GRM7: variants seen among roughly 807,000 people sequenced by gnomAD.
GRM7 encodes the protein metabotropic glutamate receptor 7.
GRM7 carries 35 observed loss-of-function variants against 84.5 expected under a neutral mutation model. The ratio of observed to expected loss-of-function variants is 0.41; its 90% CI spans 0.32 to 0.55. The LOEUF is 0.55. Among genes scored for constraint, GRM7 ranks in the 20% least tolerant of loss-of-function variants. GRM7 has a pLI of 0.19. For synonymous variants in GRM7, 487 were observed against 455.1 expected, an observed-to-expected ratio of 1.07 and a Z score of -0.89; for missense variants, 1,003 against 1,194.6, an observed-to-expected ratio of 0.84 and a Z score of 2.36.
intron 4 of GRM7, among the ~76,000 whole-genome samples, chr3:7,382,332 T>A (rs1405292917): frequency 6.6e-6 from 1 of 152,208 alleles, no homozygotes; most frequent in African/African-American, 2.4e-5. Context: ...TTTTGTATCT[T>A]CATTTCTATT....
At chr3:7,195,423 A>C (rs1695846071) in intron 2 of GRM7, among the ~76,000 whole-genome samples, 1 of 152,136 alleles carries the variant, frequency 6.6e-6, no homozygotes, top group South Asian at 2.1e-4. Context: ...CAGAAAAGGG[A>C]AAGGAAAAGA....
At chr3:7,189,687 T>A (rs913017889) in intron 2 of GRM7, among the ~76,000 whole-genome samples, 2 of 152,130 alleles carry the variant, frequency 1.3e-5, no homozygotes, top group African/African-American at 4.8e-5. Context: ...GAGGAGCTGG[T>A]TTGCAGGATA....
At chr3:7,291,056 C>A (rs1050387339) in intron 2 of GRM7, among the ~76,000 whole-genome samples, 1 of 152,058 alleles carries the variant, frequency 6.6e-6, no homozygotes, top group Non-Finnish European at 1.5e-5. Context: ...CAAATCCATG[C>A]AGGTGCCAGC....
chr3:7,365,024 G>A (rs1193166463), intron 4 of GRM7, among the ~76,000 whole-genome samples: 1 of 151,816 alleles, frequency 6.6e-6, no homozygotes, highest in Admixed American at 6.6e-5. Context: ...ATTCTTGATT[G>A]ACAGTTAAGT....
chr3:6,861,892 C>T lies in GRM7; in HGVS notation c.504C>T (p.Ile168=), dbSNP rs746479889. 2 of 1,609,988 alleles carry T rather than the reference C, an allele frequency of 1.2e-6. No individual in the cohort carries two copies. Among genetic ancestry groups the T allele is most frequent in the Non-Finnish European group, 1.7e-6 (2 of 1,177,056 alleles). Residue 168 remains isoleucine (I), a synonymous_variant, in exon 1 of 10, where the codon ATC becomes ATT. Coordinates refer to ENST00000357716, the MANE Select transcript of GRM7 (RefSeq NM_000844.4). The surrounding 1 kb of genome is among the most constrained non-coding windows in gnomAD (Gnocchi z 6.4). ...GSSVSIMVAN[I]LRLFQIPQIS... The stretch of plus-strand genomic sequence containing the variant: ...CGGTCTCCATCATGGTAGCCAACAT[C>T]CTGAGGCTCTTCCAGGTAGGGATGC...
chr3:7,456,895 A>G (rs1698040947), intron 6 of GRM7, among the ~76,000 whole-genome samples: 1 of 152,106 alleles, frequency 6.6e-6, no homozygotes, highest in Admixed American at 6.6e-5. Context: ...ATGTCACTTT[A>G]CGGGAGCAAA....
At chr3:7,240,113 A>G (rs1024012350) in intron 2 of GRM7, among the ~76,000 whole-genome samples, 2 of 64,050 alleles carry the variant, frequency 3.1e-5, no homozygotes, top group Admixed American at 2.0e-4. Flanking sequence ...ATCTTTTAGC[A>G]TGTGAGGTTT....
chr3:7,330,464 G>A (rs1701160266), intron 4 of GRM7, among the ~76,000 whole-genome samples: 1 of 152,154 alleles, frequency 6.6e-6, no homozygotes, highest in East Asian at 1.9e-4. Context: ...ATGTGGTTCG[G>A]CTCTGTTCCC....
At chr3:7,349,464 C>T (rs928871503) in intron 4 of GRM7, among the ~76,000 whole-genome samples, 1 of 152,098 alleles carries the variant, frequency 6.6e-6, no homozygotes, top group Admixed American at 6.6e-5. Context: ...ATGTATTTTT[C>T]CCTGAAATTC....
intron 7 of GRM7, among the ~76,000 whole-genome samples, chr3:7,468,636 T>A (rs1698560024): frequency 6.6e-6 from 1 of 152,190 alleles, no homozygotes; most frequent in South Asian, 2.1e-4. Flanking sequence ...AATCTCATCT[T>A]AAATTATAAT....
chr3:7,082,780 G>A (rs1698314960), intron 1 of GRM7, among the ~76,000 whole-genome samples: 1 of 152,110 alleles, frequency 6.6e-6, no homozygotes, highest in South Asian at 2.1e-4. Flanking sequence ...CCTCATGGAT[G>A]ACTTTGAGGG....
chr3:7,102,822 A>G (rs891910234), intron 1 of GRM7, among the ~76,000 whole-genome samples: 3 of 151,648 alleles, frequency 2.0e-5, no homozygotes, highest in African/African-American at 7.3e-5. Context: ...GGCTATCTAC[A>G]ATGTTCTGTT....
At chr3:7,439,577 A>C (rs975943585) in intron 5 of GRM7, among the ~76,000 whole-genome samples, 1 of 152,192 alleles carries the variant, frequency 6.6e-6, no homozygotes, top group Admixed American at 6.5e-5. Context: ...GACCCTTCAC[A>C]GTTTGTGACA....
At chr3:7,046,658 A>T (rs1250337729) in intron 1 of GRM7, among the ~76,000 whole-genome samples, 1 of 152,064 alleles carries the variant, frequency 6.6e-6, no homozygotes, top group African/African-American at 2.4e-5. Context: ...CCTCTCTGAG[A>T]GGTTTACTCT....
Position 7,493,993 on chromosome 3 carries a change from A to G in GRM7, c.1515+32271A>G, listed in dbSNP as rs1307877833. 4.6e-5 allele frequency among the ~76,000 whole-genome samples: 7 copies of G among 152,182 alleles called. No homozygotes were observed. The East Asian group carries it at 1.4e-3, about 29-fold the overall frequency. ...TAAATATCATTATCTTGGGTGTCAG[A>G]TGGTGTTACCATTTTGTCTCAGTCA... On this transcript the variant is annotated intron_variant, in intron 7 of 9. Transcript: ENST00000357716.
intron 1 of GRM7, among the ~76,000 whole-genome samples, chr3:7,089,797 C>T (rs1698597691): frequency 6.6e-6 from 1 of 152,016 alleles, no homozygotes; most frequent in African/African-American, 2.4e-5. Context: ...GTGAGATAGC[C>T]CTGACTAGAG....
At chr3:7,298,485 G>GTAA (rs933614031) in intron 2 of GRM7, 199 bp from the exon 3 acceptor site, 4 of 545,560 alleles carry the variant, frequency 7.3e-6, no homozygotes, top group African/African-American at 1.9e-5. Flanking sequence ...AGGATGTCGT[G>GTAA]TAATACCATG....
chr3:7,598,338 G>T lies in GRM7; in HGVS notation c.2451+18981G>T, dbSNP rs186782071. 1.8e-4 allele frequency among the ~76,000 whole-genome samples: 27 copies of T among 152,254 alleles called. 1 individual carries two copies. In the Middle Eastern group the frequency reaches 0.01, roughly 58 times the overall value. On this transcript the variant is annotated intron_variant, in intron 8 of 9. Coordinates refer to ENST00000357716, the MANE Select transcript of GRM7 (RefSeq NM_000844.4). ...AACAGTTAGAGAATACCTGGGGGAG[G>T]TTGAGGAGCACATGGATATCTGGTG...
intron 8 of GRM7, among the ~76,000 whole-genome samples, chr3:7,622,325 T>G (rs1289337407): frequency 1.3e-5 from 2 of 152,154 alleles, no homozygotes; most frequent in African/African-American, 4.8e-5. Flanking sequence ...GTGATGCCTT[T>G]TCTTTCAAAA....
Sources: gnomAD v4.1 joint callset for allele counts (sites outside exome capture counted in the v4.1 genomes callset) on GRCh38, gnomAD v4.1.1 for gene constraint, Gnocchi (gnomAD v3.1) non-coding constraint, MANE v1.5 for transcripts, NCBI Gene and HGNC (gene_info 2026-07-23, HGNC 2026-07-21) for gene names.